EVC: variants seen among roughly 807,000 people sequenced by gnomAD.
The protein encoded by EVC is EvC ciliary complex subunit 1.
Under a neutral mutation model 118.9 loss-of-function variants are expected in EVC, and 116 were observed. The observed-to-expected ratio is 0.98, with a 90% CI of 0.84 to 1.14. The LOEUF is 1.14. Among genes scored for constraint, EVC ranks in the 50% most tolerant of loss-of-function variants. The pLI is 0.00. For missense variants in EVC, 1,401 were observed against 1,246.4 expected (o/e 1.12, Z -1.87); for synonymous variants, 619 against 534.7 (o/e 1.16, Z -2.18).
At chr4:5,785,167 C>T (rs1050922274) in intron 12 of EVC, among the ~76,000 whole-genome samples, 1 of 152,188 alleles carries the variant, frequency 6.6e-6, no homozygotes, top group Admixed American at 6.5e-5. Flanking sequence ...CCCCCTTCTT[C>T]AGTGTCCCAT....
At chr4:5,793,819 A>G (rs1713250022) in intron 13 of EVC, 102 bp downstream of exon 13, 2 of 866,094 alleles carry the variant, frequency 2.3e-6, no homozygotes, top group Non-Finnish European at 3.8e-6. Context: ...ACTGCCCCTC[A>G]GCTTCCTTTG....
intron 2 of EVC, among the ~76,000 whole-genome samples, chr4:5,727,927 T>C (rs1166837732): frequency 6.8e-6 from 1 of 147,200 alleles, no homozygotes. Context: ...GTTCCATTGA[T>C]CTATATCTCT....
intron 11 of EVC, among the ~76,000 whole-genome samples, chr4:5,769,388 A>G (rs746156800): frequency 6.6e-6 from 1 of 152,178 alleles, no homozygotes; most frequent in African/African-American, 2.4e-5. Flanking sequence ...GCTACAATTC[A>G]AGATGAGATT....
chr4:5,748,190 C>G lies in EVC; in HGVS notation c.982C>G (p.Leu328Val). The G allele has an allele frequency of 6.2e-7, 1 of 1,614,228 alleles. No individual in the cohort carries two copies. Among genetic ancestry groups the G allele is most frequent in the South Asian group, 1.1e-5 (1 of 91,084 alleles). The change falls in exon 8 of 21, where the codon CTT (leucine) becomes GTT (valine). Residue 328 changes from leucine to valine, a missense_variant. Coordinates refer to ENST00000264956, the MANE Select transcript of EVC (RefSeq NM_153717.3). ...WKQMANIQHF[L>V]VDQFKCSSSK... is the part of the protein sequence containing the mutation. ...ACAGATGGCAAATATCCAGCACTTT[C>G]TTGTGGACCAGTTTAAGTGTTCCAG...
intron 5 of EVC, among the ~76,000 whole-genome samples, chr4:5,739,563 C>T (rs182976805): frequency 5.3e-5 from 8 of 152,288 alleles, no homozygotes; most frequent in African/African-American, 1.9e-4. Context: ...ATTAACAAGC[C>T]TTAATCCATT....
chr4:5,715,740 C>CCTTTTTTTTTTTTTTTTT lies in EVC; in HGVS notation c.175-3508_175-3507insCTTTTTTTTTTTTTTTTT, dbSNP rs1553860016. On this transcript the variant is annotated intron_variant, in intron 1 of 20. Transcript: ENST00000264956. ...AATTTCGAAGGCATTTTTCCATTGT[C>CCTTTTTTTTTTTTTTTTT]TTTTTTTTTTTTTTTTTTTTTGAGA... is the stretch of plus-strand genomic sequence containing the variant. Among the ~76,000 whole-genome samples the CCTTTTTTTTTTTTTTTTT allele has an allele frequency of 9.9e-5, 7 of 70,992 alleles. 3 individuals are homozygous for CCTTTTTTTTTTTTTTTTT. The highest frequency in any genetic ancestry group is 9.7e-5 in the African/African-American group (2 of 20,722). 46.6% of individuals were successfully genotyped at this position (70,992 alleles called of 152,430 possible).
At chr4:5,795,272 C>T (rs1463739513) in intron 13 of EVC, among the ~76,000 whole-genome samples, 1 of 151,984 alleles carries the variant, frequency 6.6e-6, no homozygotes, top group Non-Finnish European at 1.5e-5. Flanking sequence ...TTTTTAGTTG[C>T]CCAGCCCTTT....
chr4:5,806,063 C>T (rs1411007310), intron 17 of EVC, among the ~76,000 whole-genome samples: 2 of 151,270 alleles, frequency 1.3e-5, no homozygotes, highest in African/African-American at 4.9e-5. Context: ...TTCTGTGTCT[C>T]TGTTGTCCAT....
chr4:5,809,409 C>T (rs1716526740), intron 18 of EVC, 109 bp from the exon 19 acceptor site: 6 of 929,254 alleles, frequency 6.5e-6, no homozygotes, highest in Middle Eastern at 2.1e-4. Flanking sequence ...ACACGGGAGA[C>T]GTGGTCTTCA....
In EVC at chr4:5,783,728, G is replaced by T; in HGVS notation, c.1740G>T (p.Trp580Cys). 1 of 1,613,786 alleles carries T rather than the reference G, an allele frequency of 6.2e-7. No homozygotes were observed. The highest frequency in any genetic ancestry group is 8.5e-7 in the Non-Finnish European group (1 of 1,179,818). Residue 580 changes from tryptophan to cysteine, a missense_variant, in exon 12 of 21, where the codon TGG becomes TGT. Trp to Cys is a radical substitution (Grantham distance 215). Transcript: ENST00000264956. ...GKSNRFRRQQWKLFQELLEQD... is the reference protein window; with the variant it reads ...GKSNRFRRQQCKLFQELLEQD... ...CAAATCGCTTCCGGAGGCAGCAGTG[G>T]AAACTCTTCCAGGAGCTCCTAGAGC...
chr4:5,828,384 G>A, the EVC span: 1 of 1,464,818 alleles, frequency 6.8e-7, no homozygotes, highest in Non-Finnish European at 9.0e-7. Flanking sequence ...GAGGTTCCCA[G>A]GGCGATGACA....
Position 5,756,852 on chromosome 4 carries a change from G to A in EVC, c.1563+490G>A, listed in dbSNP as rs735171. Among the ~76,000 whole-genome samples the A allele has an allele frequency of 0.73, 110,634 of 152,066 alleles. 40,808 individuals are homozygous for A. Among genetic ancestry groups the A allele is most frequent in the East Asian group, 0.82 (4,206 of 5,140 alleles). On this transcript the variant is annotated intron_variant, in intron 11 of 20. Transcript: ENST00000264956. The surrounding 1 kb of genome is among the most constrained non-coding windows in gnomAD (Gnocchi z 4.2). ...GGTGACTTTCAGAGAGCAGGAGAGG[G>A]CACCTGAGCCCTCTTTAGGGGCAGG...
chr4:5,729,208 C>T (rs556998278), intron 2 of EVC, 99 bp from the exon 3 acceptor site: 1 of 1,050,788 alleles, frequency 9.5e-7, no homozygotes, highest in South Asian at 1.3e-5. Flanking sequence ...CTTTCTGAGG[C>T]TGCTATTACA....
chr4:5,767,293 C>G (rs543577903), intron 11 of EVC, among the ~76,000 whole-genome samples: 9 of 149,736 alleles, frequency 6.0e-5, no homozygotes, highest in Admixed American at 1.3e-4. Flanking sequence ...AGAACCACTG[C>G]TCTCTTCAAA....
At chr4:5,796,779 G>C (rs976210329) in intron 13 of EVC, among the ~76,000 whole-genome samples, 4 of 151,862 alleles carry the variant, frequency 2.6e-5, no homozygotes, top group Admixed American at 2.6e-4. Context: ...ACCATAGGCT[G>C]CTGTACACAT....
At chr4:5,775,170 T>C (rs1734530178) in intron 11 of EVC, among the ~76,000 whole-genome samples, 1 of 152,276 alleles carries the variant, frequency 6.6e-6, no homozygotes, top group East Asian at 1.9e-4. Flanking sequence ...AAAATCTGTC[T>C]CCTGGCAGAA....
chr4:5,714,596 C>G (rs1723641680), intron 1 of EVC, among the ~76,000 whole-genome samples: 1 of 151,040 alleles, frequency 6.6e-6, no homozygotes, highest in African/African-American at 2.4e-5. Context: ...CATAAAATGT[C>G]CACTCTTCCC....
chr4:5,748,340 A>C, intron 8 of EVC, 34 bp downstream of exon 8: 1 of 1,612,376 alleles, frequency 6.2e-7, no homozygotes, highest in Non-Finnish European at 8.5e-7. Context: ...GAACATAAAG[A>C]TATTCAGACT....
intron 5 of EVC, among the ~76,000 whole-genome samples, chr4:5,735,077 G>A (rs907466447): frequency 1.3e-5 from 2 of 152,240 alleles, no homozygotes; most frequent in Non-Finnish European, 2.9e-5. Flanking sequence ...CCAGCACAGG[G>A]GTGTGGCCTC....
Sources: gnomAD v4.1 joint callset for allele counts (sites outside exome capture counted in the v4.1 genomes callset) on GRCh38, gnomAD v4.1.1 for gene constraint, Gnocchi (gnomAD v3.1) non-coding constraint, MANE v1.5 for transcripts, NCBI Gene and HGNC (gene_info 2026-07-23, HGNC 2026-07-21) for gene names.